Variants in NAV2 observed in about 807,000 individuals in gnomAD.
NAV2 encodes the protein helicase, APC down-regulated 1.
A neutral mutation model predicts 223.2 loss-of-function variants in NAV2; 54 were observed. The observed-to-expected ratio is 0.24, with a 90% CI of 0.19 to 0.30. NAV2 has a LOEUF of 0.30. Ranked by LOEUF, NAV2 falls within the 10% of genes least tolerant of loss-of-function variation. The probability of loss-of-function intolerance (pLI) is 1.00; values close to 1 mark genes in which losing one functional copy is unlikely to be tolerated. For missense variants in NAV2, 2,806 were observed against 3,147.5 expected (o/e 0.89, Z 2.60); for synonymous variants, 1,279 against 1,239.3 (o/e 1.03, Z -0.67).
intron 1 of NAV2, among the ~76,000 whole-genome samples, chr11:19,517,661 T>C (rs1307187391): frequency 2.6e-5 from 4 of 152,246 alleles, no homozygotes; most frequent in African/African-American, 9.6e-5. Flanking sequence ...ATCCAGATAT[T>C]GCACCATGCA....
chr11:19,622,723 T>G (rs1316013062), intron 1 of NAV2, among the ~76,000 whole-genome samples: 5 of 152,194 alleles, frequency 3.3e-5, no homozygotes, highest in East Asian at 3.9e-4. Flanking sequence ...TATGCAATTT[T>G]CCAGTCTGTG....
intron 1 of NAV2, among the ~76,000 whole-genome samples, chr11:19,561,533 T>C (rs1054825150): frequency 2.0e-5 from 3 of 152,238 alleles, no homozygotes; most frequent in Non-Finnish European, 2.9e-5. Context: ...ATTTCTCTTG[T>C]TAATCAGTGA....
intron 11 of NAV2, among the ~76,000 whole-genome samples, chr11:20,021,088 T>C (rs1207129158): frequency 6.6e-6 from 1 of 152,230 alleles, no homozygotes; most frequent in Admixed American, 6.5e-5. Context: ...ATGTAAAATT[T>C]CCCACACCCC....
intron 11 of NAV2, among the ~76,000 whole-genome samples, chr11:20,027,069 T>C (rs2055156803): frequency 6.6e-6 from 1 of 152,192 alleles, no homozygotes; most frequent in Non-Finnish European, 1.5e-5. Flanking sequence ...CTACAAAAGG[T>C]AGGACTCTGC....
intron 34 of NAV2, 115 bp from the exon 35 acceptor site, chr11:20,105,416 C>A: frequency 1.3e-6 from 1 of 797,810 alleles, no homozygotes; most frequent in Non-Finnish European, 2.1e-6. Flanking sequence ...CATAGCTAAT[C>A]CAATTTGTTG....
intron 1 of NAV2, among the ~76,000 whole-genome samples, chr11:19,374,590 A>G (rs915358775): frequency 1.3e-5 from 2 of 152,238 alleles, no homozygotes; most frequent in Admixed American, 1.3e-4. Flanking sequence ...CCTTTTAAAA[A>G]TCTGCACAAT....
chr11:19,571,136 AC>A (rs773669502), intron 1 of NAV2, among the ~76,000 whole-genome samples: 5 of 152,268 alleles, frequency 3.3e-5, no homozygotes, highest in Non-Finnish European at 7.3e-5. Context: ...AAATGCCACA[AC>A]ATGGATGAAC....
At chr11:19,485,772 G>A (rs1315060302) in intron 1 of NAV2, among the ~76,000 whole-genome samples, 17 of 152,050 alleles carry the variant, frequency 1.1e-4, no homozygotes, top group Admixed American at 1.1e-3. Flanking sequence ...AGCTAGTGTG[G>A]GGAGACCAGG....
Position 19,550,813 on chromosome 11 carries a change from G to A in NAV2, c.75+199786G>A, listed in dbSNP as rs146527932. Among the ~76,000 whole-genome samples, 120 of 152,246 alleles carry A rather than the reference G, an allele frequency of 7.9e-4. 1 individual carries two copies. The highest frequency in any genetic ancestry group is 3.4e-3 in the Middle Eastern group (1 of 294). On this transcript the variant is annotated intron_variant, in intron 1 of 37. Transcript: ENST00000360655. Reference sequence around the variant, plus strand: ...GTGGAAGCAGCTTTCCATAAAACACGCCCACCAGTGTGCCATGTCAGTTTA... The same window carrying A: ...GTGGAAGCAGCTTTCCATAAAACACACCCACCAGTGTGCCATGTCAGTTTA...
At chr11:19,991,623 G>A (rs1237318554) in intron 11 of NAV2, among the ~76,000 whole-genome samples, 1 of 152,072 alleles carries the variant, frequency 6.6e-6, no homozygotes, top group Non-Finnish European at 1.5e-5. Context: ...TAAGACTGTG[G>A]GGAAATGATG....
At chr11:19,623,209 A>G (rs2047061005) in intron 1 of NAV2, among the ~76,000 whole-genome samples, 1 of 151,982 alleles carries the variant, frequency 6.6e-6, no homozygotes. Flanking sequence ...TTTTTCCTTC[A>G]TTTCAACTTT....
intron 5 of NAV2, 116 bp downstream of exon 5, chr11:19,880,243 T>C (rs2153088987): frequency 1.5e-6 from 2 of 1,371,030 alleles, no homozygotes; most frequent in Middle Eastern, 2.6e-4. Context: ...TGCTGAGAGC[T>C]ACTGGTGGTT....
intron 1 of NAV2, among the ~76,000 whole-genome samples, chr11:19,417,558 C>T (rs1850428149): frequency 6.6e-6 from 1 of 152,178 alleles, no homozygotes; most frequent in African/African-American, 2.4e-5. Flanking sequence ...GGATCTAGAA[C>T]AAGAAATACC....
intron 1 of NAV2, among the ~76,000 whole-genome samples, chr11:19,396,295 C>A (rs1156876573): frequency 6.6e-6 from 1 of 152,112 alleles, no homozygotes; most frequent in Non-Finnish European, 1.5e-5. Flanking sequence ...TCCAAGATCG[C>A]ATGGTGAGGA....
At chr11:19,408,805 C>G (rs933094856) in intron 1 of NAV2, among the ~76,000 whole-genome samples, 2 of 147,440 alleles carry the variant, frequency 1.4e-5, no homozygotes, top group Non-Finnish European at 3.0e-5. Context: ...AACTTTACAG[C>G]CTCTTTTTTC....
At chr11:19,736,673 A>G (rs1343532610) in intron 1 of NAV2, among the ~76,000 whole-genome samples, 1 of 152,204 alleles carries the variant, frequency 6.6e-6, no homozygotes, top group Non-Finnish European at 1.5e-5. Context: ...CATCCACCTC[A>G]TAAAAGGCAA....
chr11:19,609,546 A>G (rs577330849), intron 1 of NAV2, among the ~76,000 whole-genome samples: 1 of 152,300 alleles, frequency 6.6e-6, no homozygotes, highest in East Asian at 1.9e-4. Context: ...AGATGGAGCC[A>G]TCACCAGTTC....
At chr11:19,786,773 A>AT (rs1358587999) in intron 1 of NAV2, among the ~76,000 whole-genome samples, 4 of 152,178 alleles carry the variant, frequency 2.6e-5, no homozygotes, top group Non-Finnish European at 4.4e-5. Context: ...AGTTTACAAC[A>AT]TAATTGGCTA....
chr11:19,356,056 C>A (rs1180243883), intron 1 of NAV2, among the ~76,000 whole-genome samples: 1 of 152,208 alleles, frequency 6.6e-6, no homozygotes, highest in Admixed American at 6.5e-5. Flanking sequence ...GAGGTAGCAG[C>A]AGTTAGTTAC....
Sources: gnomAD v4.1 joint callset for allele counts (sites outside exome capture counted in the v4.1 genomes callset) on GRCh38, gnomAD v4.1.1 for gene constraint, MANE v1.5 for transcripts, NCBI Gene and HGNC (gene_info 2026-07-23, HGNC 2026-07-21) for gene names.